Variants in XBP1 observed in about 807,000 individuals in gnomAD.
XBP1 encodes the protein X-box-binding protein 1.
Under a neutral mutation model 34.6 loss-of-function variants are expected in XBP1, and 18 were observed. That is an observed-to-expected ratio of 0.52 (90% CI 0.36 to 0.77). The LOEUF (loss-of-function observed/expected upper bound fraction) is 0.77. Ranked by LOEUF, XBP1 falls within the 30% of genes least tolerant of loss-of-function variation. XBP1 has a pLI of 0.00. For synonymous variants in XBP1, 191 were observed against 193.4 expected (o/e 0.99, Z 0.11); for missense variants, 422 against 464.6 (o/e 0.91, Z 0.84).
downstream of XBP1, chr22:28,795,064 G>C: frequency 9.5e-7 from 1 of 1,048,504 alleles, no homozygotes. Flanking sequence ...GAATTCTCTA[G>C]GACTGTATAC....
chr22:28,795,922 A>T, intron 5 of XBP1, 125 bp downstream of exon 5: 1 of 1,340,570 alleles, frequency 7.5e-7, no homozygotes. Flanking sequence ...AAGGTAGTTG[A>T]TGTTCACCTC....
At chr22:28,796,278 A>C in intron 3 of XBP1, 86 bp from the exon 4 acceptor site, 1 of 1,332,706 alleles carries the variant, frequency 7.5e-7, no homozygotes, top group Non-Finnish European at 1.0e-6. Context: ...ACTTTAAAGA[A>C]TTACTTTTCA....
At chr22:28,795,598 A>G in exon 6 of XBP1, 2 of 1,614,144 alleles carry the variant, frequency 1.2e-6, no homozygotes, top group Non-Finnish European at 1.7e-6. Flanking sequence ...CTGACAGAGA[A>G]AGGGAGGCTG....
chr22:28,800,421 G>C, exon 1 of XBP1: 1 of 1,494,182 alleles, frequency 6.7e-7, no homozygotes, highest in Non-Finnish European at 8.9e-7. Flanking sequence ...GAGCGGCAGG[G>C]CCTGGCCGGC....
At chr22:28,799,717 T>C (rs1220785526) in intron 1 of XBP1, among the ~76,000 whole-genome samples, 1 of 152,140 alleles carries the variant, frequency 6.6e-6, no homozygotes, top group Non-Finnish European at 1.5e-5. Flanking sequence ...AAGAGACACT[T>C]CATAAATCAC....
chr22:28,798,878 C>T (rs1484516405), intron 2 of XBP1, 179 bp downstream of exon 2: 10 of 489,776 alleles, frequency 2.0e-5, no homozygotes, highest in South Asian at 5.3e-5. Context: ...AACTCAGGCT[C>T]CCAAAGTGCT....
chr22:28,795,873 C>T, intron 5 of XBP1, 141 bp from the exon 6 acceptor site: 2 of 1,207,874 alleles, frequency 1.7e-6, no homozygotes, highest in Non-Finnish European at 2.3e-6. Context: ...ACCCATTTAT[C>T]TACACTTCAC....
chr22:28,799,163 G>C lies in XBP1; in HGVS notation c.228-10C>G, dbSNP rs756093989. On this transcript the variant is annotated splice_polypyrimidine_tract_variant and intron_variant, in intron 1 of 5. Coordinates refer to ENST00000344347, the Ensembl canonical transcript of XBP1. ...TCTGTTTTTCAGTTTCCTAGGAAGA[G>C]AAGGAACATACCACACTGAGTCATA... 1.2e-6 allele frequency: 2 copies of C among 1,608,142 alleles called. No homozygotes were observed. Among genetic ancestry groups the C allele is most frequent in the South Asian group, 2.2e-5 (2 of 90,944 alleles).
At position 28,796,206 on chromosome 22, in the gene XBP1, C is replaced by T; in HGVS notation, c.454-14G>A. ...CACTTCATTCCCCTGGGAGGAAAGA[C>T]CAAAGTGAATAAACAGCTTCAAGTG... On this transcript the variant is annotated splice_polypyrimidine_tract_variant and intron_variant, in intron 3 of 5. Coordinates refer to ENST00000344347, the Ensembl canonical transcript of XBP1. 2 of 1,522,240 alleles carry T rather than the reference C, an allele frequency of 1.3e-6. No homozygotes were observed. Among genetic ancestry groups the T allele is most frequent in the Non-Finnish European group, 1.8e-6 (2 of 1,138,914 alleles). 94.3% of individuals were successfully genotyped at this position (1,522,240 alleles called of 1,614,324 possible).
At chr22:28,796,604 T>C (rs2031756348) in intron 3 of XBP1, 1 of 172,722 alleles carries the variant, frequency 5.8e-6, no homozygotes, top group East Asian at 1.7e-4. Flanking sequence ...GACCATTTGA[T>C]TGTTGTCACT....
chr22:28,800,494 C>T (rs1347318013), exon 1 of XBP1: 1 of 1,486,232 alleles, frequency 6.7e-7, no homozygotes. Context: ...GTCCCGTCGG[C>T]CGGGTTCGGC....
intron 2 of XBP1, among the ~76,000 whole-genome samples, chr22:28,798,611 C>CTT (rs35567823): frequency 3.5e-5 from 5 of 141,244 alleles, no homozygotes; most frequent in African/African-American, 7.9e-5. Context: ...GCCCAGCAAA[C>CTT]TTTTTTTTTT....
At chr22:28,794,675 T>C (rs1446019700), downstream of XBP1, 1 of 152,356 alleles carries the variant, frequency 6.6e-6, no homozygotes, top group Non-Finnish European at 1.5e-5. Flanking sequence ...ATTTCTATAA[T>C]TTCACAAAAG....
chr22:28,800,043 C>G (rs534421307), intron 1 of XBP1: 2 of 774,368 alleles, frequency 2.6e-6, no homozygotes, highest in African/African-American at 1.8e-5. Context: ...GCATCCCCAG[C>G]TCTGGTCATC....
intron 1 of XBP1, chr22:28,799,975 A>G: frequency 6.4e-6 from 5 of 779,474 alleles, no homozygotes; most frequent in Non-Finnish European, 1.2e-5. Context: ...GTCCGAGTTA[A>G]GAGGCTGAAC....
upstream of XBP1, chr22:28,800,536 A>ACGCACCG (rs768817536): frequency 1.0e-4 from 151 of 1,479,950 alleles, no homozygotes; most frequent in Middle Eastern, 5.5e-4. Flanking sequence ...GCTCCAGACT[A>ACGCACCG]CGCACCGCGC....
chr22:28,796,114 C>T (rs1448758836), exon 5 of XBP1: 1 of 1,613,898 alleles, frequency 6.2e-7, no homozygotes, highest in Non-Finnish European at 8.5e-7. Context: ...GACAACTGGG[C>T]CTGCACCTGC....
At chr22:28,797,033 GAACCAGTACTCACA>G in intron 3 of XBP1, 30 bp downstream of exon 3, 1 of 1,569,150 alleles carries the variant, frequency 6.4e-7, no homozygotes. Context: ...ATGTCACTTG[GAACCAGTACTCACA>G]TGAGGCACCA....
chr22:28,795,863 AC>A, intron 5 of XBP1, 131 bp from the exon 6 acceptor site: 1 of 1,217,190 alleles, frequency 8.2e-7, no homozygotes, highest in Non-Finnish European at 1.1e-6. Flanking sequence ...GACCCACCAG[AC>A]CCATTTATCT....
Sources: allele counts gnomAD v4.1 joint callset (sites outside exome capture counted in the v4.1 genomes callset), GRCh38; gene constraint gnomAD v4.1.1; transcripts MANE v1.5; gene names NCBI Gene and HGNC (gene_info 2026-07-23, HGNC 2026-07-21).